Variants in MTCL3 observed in about 807,000 individuals in gnomAD.
MTCL3 encodes the protein microtubule cross-linking factor 3.
chr6:127,510,445 G>C, the MTCL3 span, among the ~76,000 whole-genome samples: 110 of 152,322 alleles, frequency 7.2e-4, no homozygotes, highest in Non-Finnish European at 1.3e-3. Context: ...CTGGTGGCCA[G>C]ATTATTTTGG....
At chr6:127,518,320 C>T in the MTCL3 span, among the ~76,000 whole-genome samples, 2 of 152,226 alleles carry the variant, frequency 1.3e-5, no homozygotes, top group African/African-American at 4.8e-5. Flanking sequence ...TGTTTAAACT[C>T]AGCCCTCAGA....
At chr6:127,502,645 A>T in the MTCL3 span, among the ~76,000 whole-genome samples, 1 of 152,222 alleles carries the variant, frequency 6.6e-6, no homozygotes, top group African/African-American at 2.4e-5. Context: ...CTAAAATTTT[A>T]TTCTGATAGA....
the MTCL3 span, among the ~76,000 whole-genome samples, chr6:127,499,270 G>A: frequency 6.6e-6 from 1 of 152,160 alleles, no homozygotes; most frequent in Non-Finnish European, 1.5e-5. Context: ...ATGAAGCTCT[G>A]AAGACTAGGA....
chr6:127,513,151 G>A, the MTCL3 span: 5 of 1,078,168 alleles, frequency 4.6e-6, no homozygotes, highest in Non-Finnish European at 6.5e-6. Context: ...TATTTATATG[G>A]TGTTTACCAT....
the MTCL3 span, among the ~76,000 whole-genome samples, chr6:127,497,722 G>T: frequency 6.6e-6 from 1 of 152,136 alleles, no homozygotes; most frequent in Non-Finnish European, 1.5e-5. Context: ...GCCACACAGT[G>T]AGTATCTAAA....
At chr6:127,486,422 G>T in the MTCL3 span, among the ~76,000 whole-genome samples, 15 of 152,114 alleles carry the variant, frequency 9.9e-5, no homozygotes, top group African/African-American at 3.6e-4. Context: ...TATGGATACA[G>T]AAAGTTAGAG....
At chr6:127,473,270 T>A in the MTCL3 span, 8 of 1,510,342 alleles carry the variant, frequency 5.3e-6, no homozygotes, top group Non-Finnish European at 7.0e-6. Flanking sequence ...GAATGGTAAA[T>A]GATGAAAGAT....
At chr6:127,497,066 A>G in the MTCL3 span, among the ~76,000 whole-genome samples, 1 of 152,252 alleles carries the variant, frequency 6.6e-6, no homozygotes, top group Admixed American at 6.5e-5. Context: ...GAATCTCACT[A>G]CTATGGTAAT....
the MTCL3 span, chr6:127,481,430 C>G: frequency 1.0e-6 from 1 of 985,226 alleles, no homozygotes; most frequent in Non-Finnish European, 1.2e-6. Context: ...GTGAGACTCT[C>G]TGGGATTCTA....
the MTCL3 span, among the ~76,000 whole-genome samples, chr6:127,487,137 T>C: frequency 2.0e-5 from 3 of 152,180 alleles, no homozygotes; most frequent in South Asian, 6.2e-4. Context: ...ACACAATGGA[T>C]TTATCGCTCA....
the MTCL3 span, among the ~76,000 whole-genome samples, chr6:127,512,261 A>G: frequency 1.3e-5 from 2 of 152,144 alleles, no homozygotes; most frequent in Non-Finnish European, 2.9e-5. Flanking sequence ...AAAGGGTATA[A>G]CTAAGATGAG....
At chr6:127,498,379 A>G in the MTCL3 span, among the ~76,000 whole-genome samples, 2 of 152,206 alleles carry the variant, frequency 1.3e-5, no homozygotes, top group Non-Finnish European at 2.9e-5. Flanking sequence ...AACCACAATG[A>G]TGTATCATTT....
chr6:127,507,875 A>G, the MTCL3 span, among the ~76,000 whole-genome samples: 1 of 151,634 alleles, frequency 6.6e-6, no homozygotes, highest in African/African-American at 2.4e-5. Flanking sequence ...AAAAAAGAAA[A>G]AAAATGCATT....
the MTCL3 span, among the ~76,000 whole-genome samples, chr6:127,518,023 A>T: frequency 1.1e-4 from 16 of 152,228 alleles, no homozygotes; most frequent in African/African-American, 3.6e-4. Context: ...TCCTCATTTT[A>T]TAAAGAAATA....
At chr6:127,499,531 C>G in the MTCL3 span, among the ~76,000 whole-genome samples, 1 of 152,158 alleles carries the variant, frequency 6.6e-6, no homozygotes, top group Non-Finnish European at 1.5e-5. Context: ...ATTATCAAAT[C>G]TATAATACAA....
the MTCL3 span, among the ~76,000 whole-genome samples, chr6:127,510,683 C>G: frequency 3.9e-5 from 6 of 152,084 alleles, no homozygotes. Context: ...TGAATGTTTA[C>G]AATTTAAAAC....
the MTCL3 span, among the ~76,000 whole-genome samples, chr6:127,511,617 G>A: frequency 2.6e-5 from 4 of 152,146 alleles, no homozygotes; most frequent in Non-Finnish European, 5.9e-5. Flanking sequence ...AGTTACTGGT[G>A]AAAATAGATC....
the MTCL3 span, among the ~76,000 whole-genome samples, chr6:127,500,933 TC>T: frequency 6.6e-6 from 1 of 152,156 alleles, no homozygotes; most frequent in Non-Finnish European, 1.5e-5. Flanking sequence ...TGCCTCAGCC[TC>T]CCAAGTAGCT....
chr6:127,507,702 G>C, the MTCL3 span, among the ~76,000 whole-genome samples: 2 of 151,898 alleles, frequency 1.3e-5, no homozygotes, highest in Admixed American at 1.3e-4. Context: ...AATTAGCCGG[G>C]CATAGTGGCG....
Sources: allele counts gnomAD v4.1 joint callset (sites outside exome capture counted in the v4.1 genomes callset), GRCh38; gene constraint gnomAD v4.1.1; transcripts MANE v1.5; gene names NCBI Gene and HGNC (gene_info 2026-07-23, HGNC 2026-07-21).